UBAP2: variants seen among roughly 807,000 people sequenced by gnomAD.
UBAP2 encodes the protein ubiquitin-associated protein 2.
In UBAP2, 75 loss-of-function variants were observed where a neutral mutation model predicts 139.6. The observed-to-expected ratio is 0.54, with a 90% CI of 0.45 to 0.65. The LOEUF (loss-of-function observed/expected upper bound fraction) is 0.65. Ranked by LOEUF, UBAP2 falls within the 30% of genes least tolerant of loss-of-function variation. The pLI is 0.00. For synonymous variants in UBAP2, 526 were observed against 526.2 expected, an observed-to-expected ratio of 1.00 and a Z score of 0.01; for missense variants, 1,368 against 1,369.6, an observed-to-expected ratio of 1.00 and a Z score of 0.02.
At chr9:34,046,559 G>C (rs1364205624) in intron 1 of UBAP2, among the ~76,000 whole-genome samples, 2 of 148,588 alleles carry the variant, frequency 1.3e-5, no homozygotes, top group Admixed American at 6.8e-5. Flanking sequence ...CAGGAGAATG[G>C]CGTGAACCCG....
chr9:33,983,443 T>C (rs1334070878), intron 6 of UBAP2, among the ~76,000 whole-genome samples: 1 of 152,118 alleles, frequency 6.6e-6, no homozygotes, highest in Non-Finnish European at 1.5e-5. Context: ...ACCCTCTCCC[T>C]GGTAAGAGGG....
chr9:33,948,941 C>T (rs904860906), intron 12 of UBAP2: 1 of 194,750 alleles, frequency 5.1e-6, no homozygotes, highest in Non-Finnish European at 1.1e-5. Flanking sequence ...CAAGGTCAGG[C>T]GGATCACGAG....
intron 6 of UBAP2, 96 bp downstream of exon 6, chr9:33,986,664 A>C: frequency 1.0e-6 from 1 of 1,000,902 alleles, no homozygotes. Context: ...CTATTCTTTC[A>C]GAACACACTG....
intron 1 of UBAP2, among the ~76,000 whole-genome samples, chr9:34,029,057 A>G (rs1429505276): frequency 6.6e-6 from 1 of 152,162 alleles, no homozygotes; most frequent in Admixed American, 6.6e-5. Context: ...TCAAGGCTGC[A>G]GTGTGCTATG....
At position 33,924,322 on chromosome 9, in the gene UBAP2, C is replaced by T. The variant is rs758512238; in HGVS notation, c.2512-38G>A. The T allele has an allele frequency of 7.9e-5, 126 of 1,589,474 alleles. 1 individual carries two copies. In the South Asian group the frequency reaches 1.3e-3, roughly 17 times the overall value. The stretch of plus-strand genomic sequence containing the variant: ...AGGGAGGCTTGATCAGCGACTGGCC[C>T]TGCTTGACTCCCAGGAGAGCAGAAC... On this transcript the variant is annotated intron_variant, in intron 22 of 28. Coordinates refer to ENST00000379238, the MANE Select transcript of UBAP2 (RefSeq NM_001370062.2).
At chr9:34,012,990 C>G (rs1038455385) in intron 2 of UBAP2, among the ~76,000 whole-genome samples, 2 of 150,760 alleles carry the variant, frequency 1.3e-5, no homozygotes, top group Non-Finnish European at 3.0e-5. Context: ...CCCCTCTCTA[C>G]TAAAACTACT....
At chr9:34,000,965 T>G (rs1822648956) in intron 2 of UBAP2, among the ~76,000 whole-genome samples, 1 of 152,212 alleles carries the variant, frequency 6.6e-6, no homozygotes, top group Non-Finnish European at 1.5e-5. Flanking sequence ...AATTGTTCCC[T>G]GTAAATGTAA....
At chr9:33,954,245 A>G (rs1826346751) in intron 11 of UBAP2, among the ~76,000 whole-genome samples, 1 of 116,726 alleles carries the variant, frequency 8.6e-6, no homozygotes. Context: ...ATTCTATCCC[A>G]TAATACATTT....
intron 2 of UBAP2, among the ~76,000 whole-genome samples, chr9:34,002,983 C>T (rs1007635279): frequency 5.9e-5 from 9 of 152,052 alleles, no homozygotes; most frequent in African/African-American, 1.9e-4. Flanking sequence ...CCACAGTGCC[C>T]GGCCTATATC....
At chr9:34,033,634 G>A (rs916422955) in intron 1 of UBAP2, among the ~76,000 whole-genome samples, 42 of 151,788 alleles carry the variant, frequency 2.8e-4, no homozygotes, top group African/African-American at 1.0e-3. Context: ...CTGAAGCGCA[G>A]TGGTGCAATC....
chr9:34,032,336 A>G (rs1320673964), intron 1 of UBAP2, among the ~76,000 whole-genome samples: 1 of 152,152 alleles, frequency 6.6e-6, no homozygotes, highest in Non-Finnish European at 1.5e-5. Flanking sequence ...TTGGTCTGTG[A>G]TAAAGACTCA....
At chr9:33,945,687 C>T (rs1825610030) in intron 13 of UBAP2, among the ~76,000 whole-genome samples, 1 of 152,172 alleles carries the variant, frequency 6.6e-6, no homozygotes, top group Non-Finnish European at 1.5e-5. Flanking sequence ...TATATATACA[C>T]ACACTATATA....
chr9:34,011,094 A>G (rs1270122328), intron 2 of UBAP2, among the ~76,000 whole-genome samples: 1 of 152,144 alleles, frequency 6.6e-6, no homozygotes, highest in Non-Finnish European at 1.5e-5. Context: ...CCCGATTAAA[A>G]TATTAACAAA....
intron 4 of UBAP2, among the ~76,000 whole-genome samples, chr9:33,992,078 C>A (rs1450394265): frequency 6.6e-6 from 1 of 151,990 alleles, no homozygotes; most frequent in Middle Eastern, 3.2e-3. Flanking sequence ...ATGGTGAAAC[C>A]CCATCTCTAC....
At chr9:33,969,676 G>C (rs1431212990) in intron 8 of UBAP2, among the ~76,000 whole-genome samples, 1 of 144,652 alleles carries the variant, frequency 6.9e-6, no homozygotes, top group Non-Finnish European at 1.5e-5. Flanking sequence ...AGACCAGCCT[G>C]GCCAACATGG....
At chr9:33,987,696 T>C (rs1821336523) in intron 5 of UBAP2, among the ~76,000 whole-genome samples, 1 of 152,246 alleles carries the variant, frequency 6.6e-6, no homozygotes, top group South Asian at 2.1e-4. Flanking sequence ...ATACTGATTT[T>C]TCTTTCTTCT....
At chr9:34,021,080 A>G (rs1430063436) in intron 1 of UBAP2, among the ~76,000 whole-genome samples, 4 of 152,194 alleles carry the variant, frequency 2.6e-5, no homozygotes, top group Non-Finnish European at 5.9e-5. Context: ...ACATTTCTAC[A>G]TATTTTTGAT....
intron 12 of UBAP2, chr9:33,948,991 C>T (rs1256392494): frequency 6.2e-6 from 1 of 161,188 alleles, no homozygotes; most frequent in East Asian, 1.7e-4. Flanking sequence ...ACAGTGAAAC[C>T]CCGGCTCTAC....
chr9:34,038,089 C>T (rs1425246869), intron 1 of UBAP2, among the ~76,000 whole-genome samples: 2 of 140,048 alleles, frequency 1.4e-5, no homozygotes, highest in African/African-American at 2.7e-5. Flanking sequence ...CATCTGAGCA[C>T]GGGGAGTTCA....
Sources: gnomAD v4.1 joint callset for allele counts (sites outside exome capture counted in the v4.1 genomes callset) on GRCh38, gnomAD v4.1.1 for gene constraint, MANE v1.5 for transcripts, NCBI Gene and HGNC (gene_info 2026-07-23, HGNC 2026-07-21) for gene names.